PXDNL: variants seen among roughly 807,000 people sequenced by gnomAD.
The protein encoded by PXDNL is peroxidasin like, also known as probable oxidoreductase PXDNL.
A neutral mutation model predicts 150.8 loss-of-function variants in PXDNL; 145 were observed. The ratio of observed to expected loss-of-function variants is 0.96; its 90% CI spans 0.84 to 1.10. PXDNL has a LOEUF of 1.10. Among genes scored for constraint, PXDNL ranks in the 50% least tolerant of loss-of-function variants. The pLI, the probability that PXDNL is intolerant of heterozygous loss-of-function variation, is 0.00. For synonymous variants in PXDNL, 757 were observed against 725.7 expected (o/e 1.04, Z -0.69); for missense variants, 2,087 against 1,873.9 (o/e 1.11, Z -2.10).
At chr8:51,435,953 C>G (rs1215973194) in intron 12 of PXDNL, 1 of 503,794 alleles carries the variant, frequency 2.0e-6, no homozygotes, top group Non-Finnish European at 4.0e-6. Flanking sequence ...ATAAATGCAT[C>G]TACTTTGAAG....
intron 4 of PXDNL, among the ~76,000 whole-genome samples, chr8:51,519,887 G>A (rs1338638324): frequency 6.6e-6 from 1 of 152,200 alleles, no homozygotes; most frequent in African/African-American, 2.4e-5. Flanking sequence ...TCTCAGAGCA[G>A]TGAGCCATCC....
intron 8 of PXDNL, among the ~76,000 whole-genome samples, chr8:51,460,574 A>T (rs1313779388): frequency 6.6e-6 from 1 of 150,750 alleles, no homozygotes; most frequent in Non-Finnish European, 1.5e-5. Flanking sequence ...ACTGAGGCTG[A>T]ATAGGATGGA....
At position 51,723,762 on chromosome 8, in the gene PXDNL, C is replaced by T. The variant is rs368784482; in HGVS notation, c.165-69002G>A. Among the ~76,000 whole-genome samples, 13 of 152,158 alleles carry T rather than the reference C, an allele frequency of 8.5e-5. No homozygotes were observed. The South Asian group carries it at 2.3e-3, about 27-fold the overall frequency. The stretch of plus-strand genomic sequence containing the variant: ...GGTGGGGCTGTTTCCTAAGGGCAGT[C>T]GACAGCCACTGAAAACATTAGGCAG... On this transcript the variant is annotated intron_variant, in intron 1 of 22. Coordinates refer to ENST00000356297, the MANE Select transcript of PXDNL (RefSeq NM_144651.5).
chr8:51,440,316 A>G (rs1206533959), intron 12 of PXDNL, among the ~76,000 whole-genome samples: 1 of 152,132 alleles, frequency 6.6e-6, no homozygotes, highest in Non-Finnish European at 1.5e-5. Context: ...AAGACTACAC[A>G]TTGGGTACAA....
chr8:51,643,491 T>C (rs1161984347), intron 2 of PXDNL, among the ~76,000 whole-genome samples: 1 of 152,222 alleles, frequency 6.6e-6, no homozygotes, highest in Non-Finnish European at 1.5e-5. Flanking sequence ...GCCTGCCATA[T>C]GTAGAAAGCT....
chr8:51,439,474 G>C (rs1294846873), intron 12 of PXDNL, among the ~76,000 whole-genome samples: 1 of 152,164 alleles, frequency 6.6e-6, no homozygotes, highest in African/African-American at 2.4e-5. Context: ...TACACTGCTG[G>C]TGGGAATGTA....
intron 4 of PXDNL, among the ~76,000 whole-genome samples, chr8:51,534,354 G>C (rs1284970514): frequency 7.3e-6 from 1 of 137,536 alleles, no homozygotes; most frequent in Non-Finnish European, 1.5e-5. Flanking sequence ...GAGGGAGGTG[G>C]GGGGGGGTCA....
chr8:51,672,855 T>C (rs1312888013), intron 1 of PXDNL, among the ~76,000 whole-genome samples: 1 of 152,180 alleles, frequency 6.6e-6, no homozygotes, highest in Non-Finnish European at 1.5e-5. Context: ...TAGGATACTG[T>C]ATTATCAGAC....
chr8:51,434,650 A>T (rs1256963871), intron 12 of PXDNL, among the ~76,000 whole-genome samples: 1 of 152,088 alleles, frequency 6.6e-6, no homozygotes, highest in Non-Finnish European at 1.5e-5. Flanking sequence ...CTAGGAAATA[A>T]GAAGGTTAAA....
At position 51,727,851 on chromosome 8, in the gene PXDNL, A is replaced by G. The variant is rs149322705; in HGVS notation, c.165-73091T>C. Among the ~76,000 whole-genome samples, 78 of 152,316 alleles carry G rather than the reference A, an allele frequency of 5.1e-4. No homozygotes were observed. The East Asian group carries it at 0.011, about 22-fold the overall frequency. ...GTGCTCACTCTAGCAGAGCACTCTG[A>G]GCTCTGCCGGTTTTGACTGCTCCCA... On this transcript the variant is annotated intron_variant, in intron 1 of 22. Coordinates refer to ENST00000356297, the MANE Select transcript of PXDNL (RefSeq NM_144651.5).
chr8:51,358,332 T>C (rs1246919521), intron 19 of PXDNL, among the ~76,000 whole-genome samples: 2 of 152,172 alleles, frequency 1.3e-5, no homozygotes, highest in Non-Finnish European at 2.9e-5. Flanking sequence ...CTTACGATAA[T>C]CCTGAGGATC....
At position 51,562,068 on chromosome 8, in the gene PXDNL, A is replaced by T. The variant is rs1376237903; in HGVS notation, c.309-5157T>A. ...TCAATATTTTCTAAGATGATTATAT[A>T]TTGATATATTGCTTTTTCATATTTA... On this transcript the variant is annotated intron_variant, in intron 3 of 22. Coordinates refer to ENST00000356297, the MANE Select transcript of PXDNL (RefSeq NM_144651.5). Among the ~76,000 whole-genome samples the T allele has an allele frequency of 7.3e-5, 11 of 151,658 alleles. 1 individual carries two copies. The highest frequency in any genetic ancestry group is 7.2e-4 in the Admixed American group (11 of 15,188).
At chr8:51,396,337 C>G (rs929688761) in intron 17 of PXDNL, among the ~76,000 whole-genome samples, 1 of 152,232 alleles carries the variant, frequency 6.6e-6, no homozygotes, top group East Asian at 1.9e-4. Context: ...AGCACAGGGA[C>G]GTGGGAAGAC....
intron 1 of PXDNL, among the ~76,000 whole-genome samples, chr8:51,663,437 A>T (rs1040488346): frequency 1.3e-5 from 2 of 152,044 alleles, no homozygotes; most frequent in African/African-American, 4.8e-5. Context: ...CTTCTTTTTC[A>T]GGGATTATGT....
At chr8:51,792,426 G>A (rs891540498) in intron 1 of PXDNL, among the ~76,000 whole-genome samples, 1 of 152,200 alleles carries the variant, frequency 6.6e-6, no homozygotes, top group Non-Finnish European at 1.5e-5. Context: ...GTGACCGGGG[G>A]ATCCTCGTGA....
chr8:51,525,990 G>A (rs918648961), intron 4 of PXDNL, among the ~76,000 whole-genome samples: 2 of 152,220 alleles, frequency 1.3e-5, no homozygotes, highest in Non-Finnish European at 2.9e-5. Flanking sequence ...TTGTTAGGGG[G>A]AAATGCTGCT....
At chr8:51,587,852 T>C (rs1465239592) in intron 3 of PXDNL, among the ~76,000 whole-genome samples, 1 of 152,206 alleles carries the variant, frequency 6.6e-6, no homozygotes, top group Non-Finnish European at 1.5e-5. Flanking sequence ...GTGTTCTAGA[T>C]ACTAATTCTA....
At chr8:51,602,090 C>G (rs935513510) in intron 2 of PXDNL, among the ~76,000 whole-genome samples, 1 of 151,476 alleles carries the variant, frequency 6.6e-6, no homozygotes, top group Admixed American at 6.6e-5. Flanking sequence ...GCCTGATGGG[C>G]TTCCCTTTGT....
intron 2 of PXDNL, among the ~76,000 whole-genome samples, chr8:51,631,836 A>G (rs1814494813): frequency 6.6e-6 from 1 of 152,164 alleles, no homozygotes; most frequent in Non-Finnish European, 1.5e-5. Flanking sequence ...GTTGATATCA[A>G]TTACCTCGTG....
Sources: gnomAD v4.1 joint callset for allele counts (sites outside exome capture counted in the v4.1 genomes callset) on GRCh38, gnomAD v4.1.1 for gene constraint, MANE v1.5 for transcripts, NCBI Gene and HGNC (gene_info 2026-07-23, HGNC 2026-07-21) for gene names.